SLC24A3: variants seen among roughly 807,000 people sequenced by gnomAD.
SLC24A3 encodes sodium/potassium/calcium exchanger 3.
SLC24A3 carries 28 observed loss-of-function variants against 75.8 expected under a neutral mutation model. The observed-to-expected ratio is 0.37, with a 90% CI of 0.27 to 0.51. The LOEUF is 0.51. Among genes scored for constraint, SLC24A3 ranks in the 20% least tolerant of loss-of-function variants. The pLI is 0.94. For missense variants in SLC24A3, 663 were observed against 847.8 expected, an observed-to-expected ratio of 0.78 and a Z score of 2.71; for synonymous variants, 372 against 334.1, an observed-to-expected ratio of 1.11 and a Z score of -1.24.
At chr20:19,276,308 T>G (rs1003707562) in intron 1 of SLC24A3, among the ~76,000 whole-genome samples, 1 of 152,256 alleles carries the variant, frequency 6.6e-6, no homozygotes, top group Non-Finnish European at 1.5e-5. Flanking sequence ...GTCTTATTTC[T>G]TCGTTTGTGA....
intron 3 of SLC24A3, among the ~76,000 whole-genome samples, chr20:19,567,312 G>A (rs551935737): frequency 1.1e-3 from 167 of 152,226 alleles, no homozygotes; most frequent in Non-Finnish European, 1.8e-3. Flanking sequence ...TTAAAATGTG[G>A]TACATATACA....
chr20:19,503,595 A>G (rs977937100), intron 2 of SLC24A3, among the ~76,000 whole-genome samples: 8 of 152,318 alleles, frequency 5.3e-5, no homozygotes, highest in African/African-American at 1.9e-4. Context: ...AGGAAAAATG[A>G]TTTCCTGCAG....
chr20:19,647,260 C>T (rs771302452), intron 6 of SLC24A3, among the ~76,000 whole-genome samples: 31 of 152,200 alleles, frequency 2.0e-4, no homozygotes, highest in Non-Finnish European at 4.4e-4. Flanking sequence ...CACCGCCTGC[C>T]TCACTTCCCC....
chr20:19,527,764 A>C (rs1406915955), intron 3 of SLC24A3, among the ~76,000 whole-genome samples: 2 of 152,228 alleles, frequency 1.3e-5, no homozygotes, highest in Non-Finnish European at 2.9e-5. Context: ...GCACAAAGAC[A>C]TAGCATCTAA....
At chr20:19,393,070 G>A (rs1182049832) in intron 2 of SLC24A3, among the ~76,000 whole-genome samples, 2 of 152,088 alleles carry the variant, frequency 1.3e-5, no homozygotes, top group East Asian at 1.9e-4. Flanking sequence ...TCATGATCTG[G>A]CCAACAAATT....
chr20:19,593,995 G>T (rs2031417557), intron 6 of SLC24A3, among the ~76,000 whole-genome samples: 1 of 152,132 alleles, frequency 6.6e-6, no homozygotes, highest in Non-Finnish European at 1.5e-5. Context: ...TTAGCACAGA[G>T]ACCCCTCATC....
intron 6 of SLC24A3, among the ~76,000 whole-genome samples, chr20:19,652,163 C>T (rs1200582476): frequency 6.6e-6 from 1 of 152,132 alleles, no homozygotes; most frequent in East Asian, 1.9e-4. Flanking sequence ...TTTTGTTGTT[C>T]TTATCAGCTC....
At chr20:19,538,356 G>T (rs1257702647) in intron 3 of SLC24A3, among the ~76,000 whole-genome samples, 1 of 152,192 alleles carries the variant, frequency 6.6e-6, no homozygotes, top group East Asian at 1.9e-4. Context: ...ACTATAGATA[G>T]AGATAGAGAC....
intron 8 of SLC24A3, among the ~76,000 whole-genome samples, chr20:19,669,901 G>A (rs1363187388): frequency 6.6e-6 from 1 of 152,118 alleles, no homozygotes; most frequent in Non-Finnish European, 1.5e-5. Context: ...GAAGCCTGGG[G>A]AGGGAAGAAA....
intron 2 of SLC24A3, among the ~76,000 whole-genome samples, chr20:19,497,939 G>A (rs1465812985): frequency 2.0e-5 from 3 of 152,166 alleles, no homozygotes; most frequent in Admixed American, 6.5e-5. Context: ...CATAGCAGGA[G>A]GGGAGTGGTG....
chr20:19,681,513 G>A (rs892961710), intron 9 of SLC24A3, among the ~76,000 whole-genome samples: 2 of 152,196 alleles, frequency 1.3e-5, no homozygotes, highest in African/African-American at 2.4e-5. Context: ...ATCCTACTGA[G>A]TCTTAGCACA....
At chr20:19,300,537 C>T (rs559491064) in intron 2 of SLC24A3, among the ~76,000 whole-genome samples, 1 of 152,342 alleles carries the variant, frequency 6.6e-6, no homozygotes, top group African/African-American at 2.4e-5. Flanking sequence ...AAGAATGCTG[C>T]TGTTTTGTGC....
chr20:19,577,059 C>CT (rs147939375), intron 3 of SLC24A3, among the ~76,000 whole-genome samples: 2,457 of 148,006 alleles, frequency 0.017, 53 homozygotes, highest in African/African-American at 0.043. Flanking sequence ...TTGACATTTT[C>CT]TTTTTATTTT....
intron 8 of SLC24A3, among the ~76,000 whole-genome samples, chr20:19,670,513 A>G (rs141354477): frequency 6.6e-6 from 1 of 152,378 alleles, no homozygotes; most frequent in East Asian, 1.9e-4. Context: ...TAAAAGAATT[A>G]GAAAGAGCAT....
intron 2 of SLC24A3, among the ~76,000 whole-genome samples, chr20:19,481,285 C>T (rs1003495055): frequency 2.6e-5 from 4 of 152,326 alleles, no homozygotes; most frequent in Non-Finnish European, 4.4e-5. Context: ...AACTATTGAG[C>T]AGTGACTATG....
At chr20:19,309,049 C>T (rs746411726) in intron 2 of SLC24A3, among the ~76,000 whole-genome samples, 12 of 152,178 alleles carry the variant, frequency 7.9e-5, no homozygotes, top group Non-Finnish European at 1.2e-4. Flanking sequence ...TGTTATTTTA[C>T]CGTCTTGTAA....
chr20:19,467,158 A>G (rs927900479), intron 2 of SLC24A3, among the ~76,000 whole-genome samples: 2 of 152,240 alleles, frequency 1.3e-5, no homozygotes, highest in Non-Finnish European at 2.9e-5. Context: ...GGGGGATAAA[A>G]GCAAAAGCCG....
chr20:19,461,435 A>G (rs1987669874), intron 2 of SLC24A3, among the ~76,000 whole-genome samples: 1 of 145,292 alleles, frequency 6.9e-6, no homozygotes, highest in South Asian at 2.2e-4. Context: ...ATATATGTTC[A>G]CACATATTAT....
At chr20:19,687,494 TACTC>T (rs1170157534) in intron 12 of SLC24A3, among the ~76,000 whole-genome samples, 3 of 152,208 alleles carry the variant, frequency 2.0e-5, no homozygotes, top group Admixed American at 6.5e-5. Flanking sequence ...GAATTCCACT[TACTC>T]AACCCCTGTT....
Sources: allele counts gnomAD v4.1 joint callset (sites outside exome capture counted in the v4.1 genomes callset), GRCh38; gene constraint gnomAD v4.1.1; transcripts MANE v1.5; gene names NCBI Gene and HGNC (gene_info 2026-07-23, HGNC 2026-07-21).